The following PAM variants were observed in gnomAD, a reference collection of about 807,000 sequenced individuals.
The protein encoded by PAM is peptidyl-glycine alpha-amidating monooxygenase.
A neutral mutation model predicts 122.1 loss-of-function variants in PAM; 72 were observed. The observed-to-expected ratio is 0.59, with a 90% CI of 0.49 to 0.72. The LOEUF (loss-of-function observed/expected upper bound fraction) is 0.72, where lower values mean the gene tolerates loss of function less well. Ranked by LOEUF, PAM falls within the 30% of genes least tolerant of loss-of-function variation. The probability of loss-of-function intolerance (pLI) is 0.00; values close to 1 mark genes in which losing one functional copy is unlikely to be tolerated. For missense variants in PAM, 1,106 were observed against 1,183.7 expected, an observed-to-expected ratio of 0.93 and a Z score of 0.96; for synonymous variants, 389 against 404.4, an observed-to-expected ratio of 0.96 and a Z score of 0.46.
At chr5:102,881,925 A>G in intron 3 of PAM, among the ~76,000 whole-genome samples, 1 of 150,604 alleles carries the variant, frequency 6.6e-6, no homozygotes, top group Non-Finnish European at 1.5e-5. Context: ...TATGAGTGAG[A>G]ACATATGATG....
At chr5:103,010,832 A>T (rs918943962) in intron 21 of PAM, among the ~76,000 whole-genome samples, 1 of 152,188 alleles carries the variant, frequency 6.6e-6, no homozygotes, top group Non-Finnish European at 1.5e-5. Flanking sequence ...GGTACATGAG[A>T]TATTTTAGCA....
chr5:102,864,998 G>A (rs762333637), intron 1 of PAM, among the ~76,000 whole-genome samples: 16 of 152,128 alleles, frequency 1.1e-4, no homozygotes, highest in East Asian at 1.9e-4. Flanking sequence ...TTAATGTGAC[G>A]TTCTTGATCA....
intron 12 of PAM, among the ~76,000 whole-genome samples, chr5:102,957,570 C>G (rs1314178965): frequency 6.6e-6 from 1 of 151,910 alleles, no homozygotes; most frequent in Non-Finnish European, 1.5e-5. Flanking sequence ...AGTCTGTCAC[C>G]TAGGCTGGAG....
At chr5:102,775,348 AT>A (rs1240610523) in intron 1 of PAM, among the ~76,000 whole-genome samples, 2 of 151,842 alleles carry the variant, frequency 1.3e-5, no homozygotes, top group Non-Finnish European at 2.9e-5. Flanking sequence ...ATTTAATTTA[AT>A]TTTAAGTTCT....
chr5:102,984,455 T>C (rs184500899), intron 15 of PAM, among the ~76,000 whole-genome samples: 6 of 152,124 alleles, frequency 3.9e-5, no homozygotes, highest in East Asian at 1.9e-4. Flanking sequence ...TCAGGTAAAA[T>C]AGACTTTAAG....
Position 102,961,190 on chromosome 5 carries a change from C to A in PAM, c.1123C>A (p.Gln375Lys). 6.3e-7 allele frequency: 1 copy of A among 1,581,474 alleles called. No homozygotes were observed. ...TEYKDKIPLL[Q>K]QPKREEEEVL... ...ATATAAAGATAAGATTCCTTTACTA[C>A]AGCAGCCAAAACGAGAAGAAGAAGA... The change falls in exon 14 of 26, where the codon CAG becomes AAG. Residue 375 changes from glutamine (Q) to lysine (K), a missense_variant. Gln to Lys is a moderately conservative substitution (Grantham distance 53). Transcript: ENST00000438793.
chr5:102,871,184 C>A (rs1787303445), intron 3 of PAM, among the ~76,000 whole-genome samples: 1 of 152,176 alleles, frequency 6.6e-6, no homozygotes, highest in Non-Finnish European at 1.5e-5. Context: ...AGTCCTGTTC[C>A]TTCTTCTGTA....
In PAM at chr5:102,829,363, G is replaced by GTT. The variant is rs70990417; in HGVS notation, c.-373-36435_-373-36434dup. On this transcript the variant is annotated intron_variant, in intron 1 of 25. Coordinates refer to ENST00000438793, the MANE Select transcript of PAM (RefSeq NM_001177306.2). ...AAAGCTGAAAGTGAGCAACTGGGAGGTTTTTTTTTTTTTTTTTTTTTTTTT... is the reference window on the plus strand; with the variant it reads ...AAAGCTGAAAGTGAGCAACTGGGAGGTTTTTTTTTTTTTTTTTTTTTTTTTTT... Among the ~76,000 whole-genome samples, 331 of 140,534 alleles carry GTT rather than the reference G, an allele frequency of 2.4e-3. 11 individuals carry two copies. Among genetic ancestry groups the GTT allele is most frequent in the African/African-American group, 7.1e-3 (272 of 38,254 alleles). The allele number at this position is 140,534 out of a possible 152,430, so 92.2% of individuals were successfully genotyped here.
chr5:102,958,239 G>A (rs1761411675), intron 12 of PAM, among the ~76,000 whole-genome samples: 1 of 152,134 alleles, frequency 6.6e-6, no homozygotes, highest in Non-Finnish European at 1.5e-5. Flanking sequence ...ATTATTATAT[G>A]AATTTAAAAT....
intron 1 of PAM, among the ~76,000 whole-genome samples, chr5:102,801,899 C>T (rs914603366): frequency 1.3e-5 from 2 of 150,222 alleles, no homozygotes; most frequent in Admixed American, 6.6e-5. Flanking sequence ...CTGCCTCAGC[C>T]TCCCGAGTAG....
At chr5:102,788,390 T>C (rs1224628746) in intron 1 of PAM, among the ~76,000 whole-genome samples, 1 of 152,038 alleles carries the variant, frequency 6.6e-6, no homozygotes, top group Non-Finnish European at 1.5e-5. Context: ...GTCATGCCAC[T>C]GGTGTCATAA....
At chr5:102,836,584 T>C (rs1383478657) in intron 1 of PAM, among the ~76,000 whole-genome samples, 1 of 152,154 alleles carries the variant, frequency 6.6e-6, no homozygotes, top group East Asian at 1.9e-4. Context: ...AGCTGAGGGA[T>C]TGATGCCATG....
chr5:102,838,505 T>G (rs1208669951), intron 1 of PAM: 1 of 152,180 alleles, frequency 6.6e-6, no homozygotes, highest in Non-Finnish European at 1.5e-5. Flanking sequence ...TTTTATGTTC[T>G]TCATGTATGG....
chr5:102,884,310 T>A (rs1792277197), intron 3 of PAM, among the ~76,000 whole-genome samples: 1 of 151,874 alleles, frequency 6.6e-6, no homozygotes, highest in East Asian at 1.9e-4. Flanking sequence ...TGTTTTGATA[T>A]AACTCCCTAC....
intron 9 of PAM, among the ~76,000 whole-genome samples, chr5:102,949,122 A>G (rs1280061736): frequency 1.3e-5 from 2 of 152,118 alleles, no homozygotes; most frequent in African/African-American, 4.8e-5. Context: ...AGGAAGGAAC[A>G]GTATGAAATG....
At chr5:102,941,729 T>TA (rs1365265227) in intron 7 of PAM, among the ~76,000 whole-genome samples, 5 of 142,932 alleles carry the variant, frequency 3.5e-5, no homozygotes, top group South Asian at 2.2e-4. Context: ...GGAACTAATT[T>TA]AAAAAAACTT....
chr5:102,916,841 T>C (rs186765976), intron 5 of PAM, among the ~76,000 whole-genome samples: 251 of 151,580 alleles, frequency 1.7e-3, no homozygotes, highest in African/African-American at 5.7e-3. Context: ...CAAGCAATTC[T>C]CCTGCCTCAG....
chr5:102,758,251 G>A (rs189701100), intron 1 of PAM, among the ~76,000 whole-genome samples: 7 of 152,016 alleles, frequency 4.6e-5, no homozygotes, highest in African/African-American at 1.7e-4. Context: ...TATCTGCTAT[G>A]TGCAGAATTT....
intron 1 of PAM, among the ~76,000 whole-genome samples, chr5:102,804,234 G>A (rs1218781441): frequency 6.6e-6 from 1 of 152,154 alleles, no homozygotes; most frequent in South Asian, 2.1e-4. Flanking sequence ...AGCAGCTCAC[G>A]GGGGAGCCTT....
Sources: allele counts gnomAD v4.1 joint callset (sites outside exome capture counted in the v4.1 genomes callset), GRCh38; gene constraint gnomAD v4.1.1; transcripts MANE v1.5; gene names NCBI Gene and HGNC (gene_info 2026-07-23, HGNC 2026-07-21).